The following PUM3 variants were observed in gnomAD, a reference collection of about 807,000 sequenced individuals.
PUM3 encodes the protein pumilio homolog 3.
In PUM3, 91 loss-of-function variants were observed where a neutral mutation model predicts 84.0. The ratio of observed to expected loss-of-function variants is 1.08; its 90% CI spans 0.91 to 1.29. PUM3 has a LOEUF of 1.29. Among genes scored for constraint, PUM3 ranks in the 50% most tolerant of loss-of-function variants. The pLI, the probability that PUM3 is intolerant of heterozygous loss-of-function variation, is 0.00. For synonymous variants in PUM3, 321 were observed against 266.7 expected, an observed-to-expected ratio of 1.20 and a Z score of -1.98; for missense variants, 1,067 against 767.5, an observed-to-expected ratio of 1.39 and a Z score of -4.61.
At chr9:2,811,798 C>T (rs761030401) in intron 14 of PUM3, among the ~76,000 whole-genome samples, 2 of 123,048 alleles carry the variant, frequency 1.6e-5, no homozygotes, top group East Asian at 2.3e-4. Flanking sequence ...GTGCCTGGCA[C>T]AGAACAAGGG....
At position 2,831,013 on chromosome 9, in the gene PUM3, A is replaced by C. The variant is rs201623644; in HGVS notation, c.626T>G (p.Leu209Ter). 4 of 1,488,762 alleles carry C rather than the reference A, an allele frequency of 2.7e-6. No individual in the cohort carries two copies. Among genetic ancestry groups the C allele is most frequent in the Non-Finnish European group, 3.7e-6 (4 of 1,072,542 alleles). 92.2% of individuals were successfully genotyped at this position (1,488,762 alleles called of 1,614,324 possible). A position where few individuals can be genotyped will look rare whatever the true frequency, so the allele number is the denominator to read the frequency against. The change falls in exon 7 of 18, where the codon TTA (leucine) becomes TGA (stop). Residue 209 changes from leucine to a stop codon, truncating the protein, a stop_gained. Coordinates refer to ENST00000397885, the MANE Select transcript of PUM3 (RefSeq NM_014878.5). LOFTEE classifies it high-confidence loss of function. ...FEELRDDLVE[L>*]SKAKYSRNIV... Reference sequence around the variant, plus strand: ...ATTTCTCGAATATTTGGCTTTACTTAACTCAACCAAATCATCTGAAAAACA... The same window carrying C: ...ATTTCTCGAATATTTGGCTTTACTTCACTCAACCAAATCATCTGAAAAACA...
At chr9:2,839,777 T>C (rs989913770) in intron 1 of PUM3, among the ~76,000 whole-genome samples, 2 of 152,268 alleles carry the variant, frequency 1.3e-5, no homozygotes, top group Admixed American at 1.3e-4. Flanking sequence ...TCAGCTCTTC[T>C]ACACCTGTAG....
rs1321708314 is a variant in PUM3 at position 2,831,255 on chromosome 9, C to T, written c.606G>A (p.Leu202=). ...TCTTTAGTATGTAATAAATACCTCG[C>T]AATTCTTCAAAAGCCTGTTTTCTCT... is the stretch of plus-strand genomic sequence containing the variant. ...EEQRKQAFEE[L]RDDLVELSKA... is the part of the protein sequence containing the mutation. Residue 202 remains leucine (L), a synonymous_variant, in exon 6 of 18, where the codon TTG becomes TTA. Transcript: ENST00000397885. The T allele has an allele frequency of 6.3e-7, 1 of 1,578,176 alleles. No individual in the cohort carries two copies. Among genetic ancestry groups the T allele is most frequent in the Non-Finnish European group, 8.7e-7 (1 of 1,150,876 alleles).
At chr9:2,814,288 T>C (rs1337007714) in intron 13 of PUM3, among the ~76,000 whole-genome samples, 1 of 64,686 alleles carries the variant, frequency 1.5e-5, no homozygotes, top group Non-Finnish European at 3.2e-5. Flanking sequence ...CTTGGCTCGC[T>C]GCCATCTCTG....
Position 2,812,374 on chromosome 9 carries a change from T to G in PUM3, c.1270-12A>C, listed in dbSNP as rs187851746. 4.6e-6 allele frequency: 7 copies of G among 1,512,128 alleles called. No individual in the cohort carries two copies. The highest frequency in any genetic ancestry group is 3.6e-6 in the Non-Finnish European group (4 of 1,107,604). 93.7% of individuals were successfully genotyped at this position (1,512,128 alleles called of 1,614,324 possible). Reference sequence around the variant, plus strand: ...GAACTGATAATTTCCTATAAAATTATAAACAAAAAAAAAGAATCAATATCT... The same window carrying G: ...GAACTGATAATTTCCTATAAAATTAGAAACAAAAAAAAAGAATCAATATCT... On this transcript the variant is annotated splice_polypyrimidine_tract_variant and intron_variant, in intron 13 of 17. Transcript: ENST00000397885.
chr9:2,822,407 T>A (rs973551372), intron 12 of PUM3, among the ~76,000 whole-genome samples: 7 of 151,950 alleles, frequency 4.6e-5, no homozygotes, highest in African/African-American at 1.7e-4. Flanking sequence ...CCCCCAATAT[T>A]TGGAAATTAA....
chr9:2,816,379 TC>T (rs1178771000), intron 13 of PUM3, among the ~76,000 whole-genome samples: 1 of 152,138 alleles, frequency 6.6e-6, no homozygotes. Flanking sequence ...AACTGGAAGG[TC>T]TAGTTTAGTG....
Position 2,834,098 on chromosome 9 carries a change from G to T in PUM3, c.373C>A (p.Gln125Lys), listed in dbSNP as rs765093972. 2 of 1,613,636 alleles carry T rather than the reference G, an allele frequency of 1.2e-6. No homozygotes were observed. The highest frequency in any genetic ancestry group is 1.7e-5 in the Admixed American group (1 of 59,962). ...KKKKELKQSR[Q>K]LSDKTNYDIV... ...TCATAGTTGGTTTTATCACTGAGTT[G>T]TCTGCTTTGCTTCAGTTCTTTCTTC... The change falls in exon 4 of 18, where the codon CAA (glutamine) becomes AAA (lysine). Residue 125 changes from glutamine (Q) to lysine (K), a missense_variant. By Grantham distance (53) the Gln-to-Lys change is moderately conservative (BLOSUM62 1). Coordinates refer to ENST00000397885, the MANE Select transcript of PUM3 (RefSeq NM_014878.5).
chr9:2,831,556 A>G (rs1310806781), intron 5 of PUM3, among the ~76,000 whole-genome samples: 1 of 152,204 alleles, frequency 6.6e-6, no homozygotes, highest in Non-Finnish European at 1.5e-5. Flanking sequence ...TACAATAATG[A>G]CATTGAGGCA....
chr9:2,824,893 G>A (rs1258994452), intron 10 of PUM3, 78 bp from the exon 11 acceptor site: 2 of 963,448 alleles, frequency 2.1e-6, no homozygotes, highest in Non-Finnish European at 2.9e-6. Flanking sequence ...TGTCTACAGG[G>A]GGCAGTTATG....
At chr9:2,825,565 C>T (rs530539840) in intron 10 of PUM3, among the ~76,000 whole-genome samples, 1 of 152,054 alleles carries the variant, frequency 6.6e-6, no homozygotes. Context: ...TTACTGCAAC[C>T]TCCACCTCCC....
intron 3 of PUM3, among the ~76,000 whole-genome samples, chr9:2,836,732 G>C (rs563489105): frequency 1.3e-5 from 2 of 152,164 alleles, no homozygotes; most frequent in African/African-American, 2.4e-5. Context: ...CACTTAGCTG[G>C]GGACAGACTG....
intron 16 of PUM3, 88 bp from the exon 17 acceptor site, chr9:2,807,992 AT>A: frequency 6.4e-6 from 5 of 785,218 alleles, no homozygotes; most frequent in Non-Finnish European, 1.0e-5. Flanking sequence ...ATCTGCAAAT[AT>A]TTTTAAACAA....
chr9:2,835,139 G>A (rs1816088932), intron 3 of PUM3, among the ~76,000 whole-genome samples: 1 of 152,146 alleles, frequency 6.6e-6, no homozygotes, highest in African/African-American at 2.4e-5. Context: ...GTGGCCAGCT[G>A]CAGTGGCTCA....
chr9:2,804,305 T>A lies in PUM3; in HGVS notation c.*26A>T. 1 of 1,604,478 alleles carries A rather than the reference T, an allele frequency of 6.2e-7. No homozygotes were observed. Among genetic ancestry groups the A allele is most frequent in the Non-Finnish European group, 8.5e-7 (1 of 1,176,064 alleles). ...CAGAACAGAGAACAGAAAAAATCAT[T>A]CCATCTTGCTCTTAACTCTTTCCAC... is the stretch of plus-strand genomic sequence containing the variant. On this transcript the variant is annotated 3_prime_UTR_variant, in exon 18 of 18. Coordinates refer to ENST00000397885, the MANE Select transcript of PUM3 (RefSeq NM_014878.5).
chr9:2,831,073 G>T (rs368468417), intron 6 of PUM3, 45 bp from the exon 7 acceptor site: 5 of 1,108,174 alleles, frequency 4.5e-6, no homozygotes, highest in African/African-American at 1.6e-5. Context: ...TCTCATTTCA[G>T]TTCTCTGGAA....
intron 13 of PUM3, among the ~76,000 whole-genome samples, chr9:2,813,023 G>A (rs1341106419): frequency 6.6e-6 from 1 of 152,216 alleles, no homozygotes; most frequent in Non-Finnish European, 1.5e-5. Flanking sequence ...TTAAAGTTAG[G>A]TTGCTTATTC....
intron 10 of PUM3, among the ~76,000 whole-genome samples, chr9:2,826,068 T>C (rs1815811829): frequency 1.3e-5 from 2 of 152,036 alleles, no homozygotes; most frequent in African/African-American, 2.4e-5. Flanking sequence ...GCCATGCATA[T>C]ATTCCAATTA....
At chr9:2,812,601 G>C (rs1362062319) in intron 13 of PUM3, among the ~76,000 whole-genome samples, 1 of 152,142 alleles carries the variant, frequency 6.6e-6, no homozygotes, top group Admixed American at 6.5e-5. Context: ...AATTTCAATG[G>C]TGAAGAATAC....
Sources: allele counts gnomAD v4.1 joint callset (sites outside exome capture counted in the v4.1 genomes callset), GRCh38; gene constraint gnomAD v4.1.1; transcripts MANE v1.5; gene names NCBI Gene and HGNC (gene_info 2026-07-23, HGNC 2026-07-21).